PRR36: variants seen among roughly 807,000 people sequenced by gnomAD.
PRR36 encodes proline-rich protein 36.
Under a neutral mutation model 58.6 loss-of-function variants are expected in PRR36, and 30 were observed. The observed-to-expected ratio is 0.51, with a 90% CI of 0.38 to 0.69. PRR36 has a LOEUF of 0.69. Among genes scored for constraint, PRR36 ranks in the 30% least tolerant of loss-of-function variants. PRR36 has a pLI of 0.00. For missense variants in PRR36, 1,692 were observed against 1,805.6 expected (o/e 0.94, Z 1.14); for synonymous variants, 771 against 829.3 (o/e 0.93, Z 1.21).
At position 7,869,429 on chromosome 19, in the gene PRR36, C is replaced by T. The variant is rs1038079315; in HGVS notation, c.3645G>A (p.Pro1215=). The T allele has an allele frequency of 6.0e-6, 9 of 1,500,808 alleles. No individual in the cohort carries two copies. Among genetic ancestry groups the T allele is most frequent in the Non-Finnish European group, 7.9e-6 (9 of 1,132,428 alleles). The allele number at this position is 1,500,808 out of a possible 1,614,324, so 93.0% of individuals were successfully genotyped here. A position where few individuals can be genotyped will look rare whatever the true frequency, so the allele number is the denominator to read the frequency against. The change falls in exon 6 of 6, where the codon CCG becomes CCA. Residue 1215 remains proline, a synonymous_variant. Transcript: ENST00000618550. The part of the protein sequence containing the change: ...SATPAPGALD[P]GPSPGTSGGK... ...CACCGCTCGTGCCGGGACTGGGCCC[C>T]GGATCCAGTGCGCCAGGGGCGGGGG...
At position 7,873,075 on chromosome 19, in the gene PRR36, C is replaced by T; in HGVS notation, c.375-114G>A. 7.6e-7 allele frequency: 1 copy of T among 1,317,524 alleles called. No individual in the cohort carries two copies. Among genetic ancestry groups the T allele is most frequent in the Non-Finnish European group, 1.0e-6 (1 of 954,152 alleles). 81.6% of individuals were successfully genotyped at this position (1,317,524 alleles called of 1,614,324 possible). A position where few individuals can be genotyped will look rare whatever the true frequency, so the allele number is the denominator to read the frequency against. The stretch of plus-strand genomic sequence containing the variant: ...CTCTCTGAGGACCAATAATGGCTTT[C>T]ACCCAATTTGTGCCCAGTGACCTGC... On this transcript the variant is annotated intron_variant, in intron 3 of 5. Transcript: ENST00000618550. This position sits in a 1 kb window ranked among gnomAD's most constrained non-coding sequence, Gnocchi z 5.0.
At position 7,872,663 on chromosome 19, in the gene PRR36, G is replaced by A; in HGVS notation, c.581C>T (p.Pro194Leu). 6.8e-7 allele frequency: 1 copy of A among 1,464,356 alleles called. No individual in the cohort carries two copies. Among genetic ancestry groups the A allele is most frequent in the Non-Finnish European group, 9.0e-7 (1 of 1,112,824 alleles). The allele number at this position is 1,464,356 out of a possible 1,614,324, so 90.7% of individuals were successfully genotyped here. The change falls in exon 5 of 6, where the codon CCG becomes CTG. Residue 194 changes from proline to leucine, a missense_variant. This residue lies in a region of PRR36 where 975 missense variants were observed against 955.2 expected (regional missense o/e 1.02). Transcript: ENST00000618550. This position sits in a 1 kb window ranked among gnomAD's most constrained non-coding sequence, Gnocchi z 6.1. Reference sequence around the variant, plus strand: ...TGTCGGGGGCCGTGGCCGGGCACTCGGAGCTGGCCGGGGGAGCCCCACCTC... The same window carrying A: ...TGTCGGGGGCCGTGGCCGGGCACTCAGAGCTGGCCGGGGGAGCCCCACCTC... The part of the protein sequence containing the change: ...GTEVGLPRPA[P>L]SARPRPPTEG...
At position 7,869,367 on chromosome 19, in the gene PRR36, G is replaced by A; in HGVS notation, c.3707C>T (p.Ser1236Leu). ...AAAGAGAGAS[S>L]RSPKQARLGE... Reference sequence around the variant, plus strand: ...CAGGCGCGCCTGCTTCGGGCTCCGCGAGGACGCCCCGGCCCCGGCCCCAGC... The same window carrying A: ...CAGGCGCGCCTGCTTCGGGCTCCGCAAGGACGCCCCGGCCCCGGCCCCAGC... The change falls in exon 6 of 6, where the codon TCG (serine) becomes TTG (leucine). Residue 1236 changes from serine (S) to leucine (L), a missense_variant. Physicochemically the swap from Ser to Leu is moderately radical, Grantham distance 145. Transcript: ENST00000618550. 3.5e-6 allele frequency: 5 copies of A among 1,437,454 alleles called. No homozygotes were observed. The highest frequency in any genetic ancestry group is 5.9e-5 in the Admixed American group (2 of 33,796). The allele number at this position is 1,437,454 out of a possible 1,614,324, so 89.0% of individuals were successfully genotyped here. A position where few individuals can be genotyped will look rare whatever the true frequency, so the allele number is the denominator to read the frequency against.
At position 7,870,681 on chromosome 19, in the gene PRR36, GGGCCTGCAGAGGAGGCAA is replaced by G. The variant is rs1256146609; in HGVS notation, c.2545_2562del (p.Leu849_Ala854del). On this transcript the variant is annotated inframe_deletion, in exon 5 of 6. Transcript: ENST00000618550. ...GGGGGTGAGGCAGGGGGAGAGGGAG[GGGCCTGCAGAGGAGGCAA>G]GGCCAGGGCAGGTGGGGCCTGTGGA... The G allele has an allele frequency of 7.3e-7, 1 of 1,378,654 alleles. No individual in the cohort carries two copies. Among genetic ancestry groups the G allele is most frequent in the South Asian group, 1.7e-5 (1 of 60,024 alleles). 85.4% of individuals were successfully genotyped at this position (1,378,654 alleles called of 1,614,324 possible).
chr19:7,871,294 G>A lies in PRR36; in HGVS notation c.1950C>T (p.Pro650=), dbSNP rs1395176567. The A allele has an allele frequency of 1.3e-6, 2 of 1,525,890 alleles. No individual in the cohort carries two copies. Among genetic ancestry groups the A allele is most frequent in the Non-Finnish European group, 1.8e-6 (2 of 1,141,558 alleles). 94.5% of individuals were successfully genotyped at this position (1,525,890 alleles called of 1,614,324 possible). A position where few individuals can be genotyped will look rare whatever the true frequency, so the allele number is the denominator to read the frequency against. ...LISPSRPAST[P]PDSPPLQAPL... is the part of the protein sequence containing the mutation. ...GGGCCTGCAGAGGGGGTGAATCAGGGGGAGTAGAGGCCGGCCGAGAAGGTG... is the reference window on the plus strand; with the variant it reads ...GGGCCTGCAGAGGGGGTGAATCAGGAGGAGTAGAGGCCGGCCGAGAAGGTG... The change falls in exon 5 of 6, where the codon CCC becomes CCT. Residue 650 remains proline (P), a synonymous_variant. Coordinates refer to ENST00000618550, the MANE Select transcript of PRR36 (RefSeq NM_001190467.2).
At chr19:7,869,607 C>T in intron 5 of PRR36, 63 bp from the exon 6 acceptor site, 1 of 1,484,802 alleles carries the variant, frequency 6.7e-7, no homozygotes. Context: ...CTCAAGGTCC[C>T]GCCTCCTTGT....
chr19:7,872,416 T>A lies in PRR36; in HGVS notation c.828A>T (p.Gly276=). 1 of 1,450,832 alleles carries A rather than the reference T, an allele frequency of 6.9e-7. No individual in the cohort carries two copies. Among genetic ancestry groups the A allele is most frequent in the Non-Finnish European group, 9.0e-7 (1 of 1,107,854 alleles). 89.9% of individuals were successfully genotyped at this position (1,450,832 alleles called of 1,614,324 possible). The change falls in exon 5 of 6, where the codon GGA becomes GGT. Residue 276 remains glycine (G), a synonymous_variant. Transcript: ENST00000618550. The surrounding 1 kb of genome is among the most constrained non-coding windows in gnomAD (Gnocchi z 6.1). ...CCTGAGGGGGTCGCAGAGCCTGCAG[T>A]CCTTTCGGCTTGGGCTGCGAGGGAT... ...PAHPSQPKPK[G]LQALRPPQVT... is the part of the protein sequence containing the mutation.
In PRR36 at chr19:7,871,936, G is replaced by C. The variant is rs955706882; in HGVS notation, c.1308C>G (p.Pro436=). Residue 436 remains proline (P), a synonymous_variant, in exon 5 of 6, where the codon CCC becomes CCG. Coordinates refer to ENST00000618550, the MANE Select transcript of PRR36 (RefSeq NM_001190467.2). ...SVSSPLQSMP[P]TQANPALPSL... is the part of the protein sequence containing the mutation. ...AGGGCAACGCTGGATTAGCTTGGGT[G>C]GGGGGCATACTCTGCAGAGGGGATG... The C allele has an allele frequency of 2.6e-6, 4 of 1,535,882 alleles. No homozygotes were observed. The highest frequency in any genetic ancestry group is 3.5e-6 in the Non-Finnish European group (4 of 1,146,832).
Position 7,869,541 on chromosome 19 carries a change from G to T in PRR36, c.3533C>A (p.Ala1178Glu). ...PPLAFRGAPG[A>E]PLPWPPATGP... ...GGTAGCGGGAGGCCACGGCAGGGGC[G>T]CACCTGCGGGGAGAGACGCCAGGTG... The change falls in exon 6 of 6, where the codon GCG becomes GAG. Residue 1178 changes from alanine (A) to glutamate (E), a missense_variant. This residue lies in a region of PRR36 where 485 missense variants were observed against 549.2 expected (regional missense o/e 0.88). Coordinates refer to ENST00000618550, the MANE Select transcript of PRR36 (RefSeq NM_001190467.2). 3 of 1,517,132 alleles carry T rather than the reference G, an allele frequency of 2.0e-6. No homozygotes were observed. Among genetic ancestry groups the T allele is most frequent in the Non-Finnish European group, 2.6e-6 (3 of 1,138,688 alleles). The allele number at this position is 1,517,132 out of a possible 1,614,324, so 94.0% of individuals were successfully genotyped here.
Position 7,871,315 on chromosome 19 carries a change from A to C in PRR36, c.1929T>G (p.Pro643=). ...CAGGGGGAGTAGAGGCCGGCCGAGAAGGTGAGATCAAAGAAGCTTGGGTTT... is the reference window on the plus strand; with the variant it reads ...CAGGGGGAGTAGAGGCCGGCCGAGACGGTGAGATCAAAGAAGCTTGGGTTT... ...PRQTQASLIS[P]SRPASTPPDS... is the part of the protein sequence containing the mutation. The change falls in exon 5 of 6, where the codon CCT becomes CCG. Residue 643 remains proline, a synonymous_variant. Coordinates refer to ENST00000618550, the MANE Select transcript of PRR36 (RefSeq NM_001190467.2). 6.5e-7 allele frequency: 1 copy of C among 1,528,534 alleles called. No individual in the cohort carries two copies. Among genetic ancestry groups the C allele is most frequent in the Non-Finnish European group, 8.8e-7 (1 of 1,142,582 alleles). The allele number at this position is 1,528,534 out of a possible 1,614,324, so 94.7% of individuals were successfully genotyped here. A position where few individuals can be genotyped will look rare whatever the true frequency, so the allele number is the denominator to read the frequency against.
At position 7,871,117 on chromosome 19, in the gene PRR36, G is replaced by A. The variant is rs549764396; in HGVS notation, c.2127C>T (p.Pro709=). The A allele has an allele frequency of 2.0e-6, 3 of 1,535,042 alleles. No homozygotes were observed. Among genetic ancestry groups the A allele is most frequent in the South Asian group, 1.2e-5 (1 of 83,984 alleles). Residue 709 remains proline (P), a synonymous_variant, in exon 5 of 6, where the codon CCC becomes CCT. Coordinates refer to ENST00000618550, the MANE Select transcript of PRR36 (RefSeq NM_001190467.2). ...CTAGGGAAGATTGGGTCTCCAGAGG[G>A]GGCATGATCAGGGAAGAGAGAGGTG... ...PQAPLSSLIM[P]PLETQSSLAP...
At position 7,869,804 on chromosome 19, in the gene PRR36, G is replaced by A; in HGVS notation, c.3440C>T (p.Ser1147Phe). 7.4e-7 allele frequency: 1 copy of A among 1,356,142 alleles called. No individual in the cohort carries two copies. The highest frequency in any genetic ancestry group is 1.8e-5 in the South Asian group (1 of 56,026). 84.0% of individuals were successfully genotyped at this position (1,356,142 alleles called of 1,614,324 possible). ...DSGPEGGAAA[S>F]PPPDAELAAC... The stretch of plus-strand genomic sequence containing the variant: ...GGCGAGCTCTGCGTCGGGGGGCGGG[G>A]AGGCTGCGGCACCGCCCTCGGGCCC... Residue 1147 changes from serine to phenylalanine, a missense_variant, in exon 5 of 6, where the codon TCC becomes TTC. Physicochemically the swap from Ser to Phe is radical, Grantham distance 155 (BLOSUM62 -2). This residue lies in a region of PRR36 where 485 missense variants were observed against 549.2 expected (regional missense o/e 0.88). Coordinates refer to ENST00000618550, the MANE Select transcript of PRR36 (RefSeq NM_001190467.2).
rs1047686860 is a variant in PRR36, at chr19:7,871,823, A to G, written c.1421T>C (p.Leu474Pro). 29 of 1,535,730 alleles carry G rather than the reference A, an allele frequency of 1.9e-5. No individual in the cohort carries two copies. In the African/African-American group the frequency reaches 3.6e-4, roughly 19 times the overall value. ...GGCCAGGGGAAAAGCCGAATTCCCC[A>G]GAGATGTTGCCGGAGAAACAGGGCC... ...LQGPVSPATS[L>P]GNSAFPLAAL... The change falls in exon 5 of 6, where the codon CTG (leucine) becomes CCG (proline). Residue 474 changes from leucine to proline, a missense_variant. Leu to Pro is a moderately conservative substitution (Grantham distance 98, BLOSUM62 -3). This residue lies in a region of PRR36 where 975 missense variants were observed against 955.2 expected (regional missense o/e 1.02). Coordinates refer to ENST00000618550, the MANE Select transcript of PRR36 (RefSeq NM_001190467.2).
Position 7,873,393 on chromosome 19 carries a change from GGA to G in PRR36, c.271+24_271+25del, listed in dbSNP as rs1163677470. ...TGGAAGGGGGAGGGAAGATGGGGGCGGAGCTGAGGAAGGAGGCTGGGGTACCA... is the reference window on the plus strand; with the variant it reads ...TGGAAGGGGGAGGGAAGATGGGGGCGGCTGAGGAAGGAGGCTGGGGTACCA... On this transcript the variant is annotated intron_variant, in intron 2 of 5. Transcript: ENST00000618550. This position sits in a 1 kb window ranked among gnomAD's most constrained non-coding sequence, Gnocchi z 5.0. The G allele has an allele frequency of 2.0e-6, 3 of 1,519,836 alleles. No individual in the cohort carries two copies. The African/African-American group carries it at 4.1e-5, about 21-fold the overall frequency. The allele number at this position is 1,519,836 out of a possible 1,614,324, so 94.1% of individuals were successfully genotyped here. A position where few individuals can be genotyped will look rare whatever the true frequency, so the allele number is the denominator to read the frequency against.
In PRR36 at chr19:7,870,565, G is replaced by A; in HGVS notation, c.2679C>T (p.Pro893=). Residue 893 remains proline (P), a synonymous_variant, in exon 5 of 6, where the codon CCC becomes CCT. Coordinates refer to ENST00000618550, the MANE Select transcript of PRR36 (RefSeq NM_001190467.2). ...LQAPFSPPPS[P]PVQAPFSPPA... ...GGGGAGAGAAAGGGGCCTGCACTGGGGGTGAGGGAGGGGGAGAGAAAGGGG... is the reference window on the plus strand; with the variant it reads ...GGGGAGAGAAAGGGGCCTGCACTGGAGGTGAGGGAGGGGGAGAGAAAGGGG... 1 of 973,006 alleles carries A rather than the reference G, an allele frequency of 1.0e-6. No individual in the cohort carries two copies. The highest frequency in any genetic ancestry group is 1.3e-6 in the Non-Finnish European group (1 of 780,206). The allele number at this position is 973,006 out of a possible 1,614,324, so 60.3% of individuals were successfully genotyped here.
At position 7,872,981 on chromosome 19, in the gene PRR36, C is replaced by T. The variant is rs1196060359; in HGVS notation, c.375-20G>A. On this transcript the variant is annotated intron_variant, in intron 3 of 5. Transcript: ENST00000618550. This position sits in a 1 kb window ranked among gnomAD's most constrained non-coding sequence, Gnocchi z 6.1. ...CCTGGCCTGGAGACAGAAGGGGCCACGCTCAGGCCTAGGTCTTTGTTTGGC... is the reference window on the plus strand; with the variant it reads ...CCTGGCCTGGAGACAGAAGGGGCCATGCTCAGGCCTAGGTCTTTGTTTGGC... 8.6e-6 allele frequency: 13 copies of T among 1,520,326 alleles called. No homozygotes were observed. Among genetic ancestry groups the T allele is most frequent in the South Asian group, 2.4e-5 (2 of 83,646 alleles). 94.2% of individuals were successfully genotyped at this position (1,520,326 alleles called of 1,614,324 possible).
At position 7,871,488 on chromosome 19, in the gene PRR36, G is replaced by T. The variant is rs1169237811; in HGVS notation, c.1756C>A (p.Pro586Thr). 3.9e-6 allele frequency: 6 copies of T among 1,535,466 alleles called. No homozygotes were observed. The highest frequency in any genetic ancestry group is 3.9e-5 in the Admixed American group (2 of 50,936). Residue 586 changes from proline (P) to threonine (T), a missense_variant, in exon 5 of 6, where the codon CCC becomes ACC. Coordinates refer to ENST00000618550, the MANE Select transcript of PRR36 (RefSeq NM_001190467.2). ...AGAGAATGTGGGACCTGTATTGGGG[G>T]AATGGTCTGGAGAGAGGGCGGGGCC... ...MQAPPSLQTIPPIQVPHSLTS... is the reference protein window; with the variant it reads ...MQAPPSLQTITPIQVPHSLTS...
rs867419191 is a variant in PRR36, at chr19:7,872,594, G to A, written c.650C>T (p.Thr217Ile). ...CCTGGCAGCCGGGCTTGGCTCGGTG[G>A]TACTGTGCTCCGAGGCGCTGCTCAC... The part of the protein sequence containing the change: ...KSVSSASEHS[T>I]TEPSPAARRR... The change falls in exon 5 of 6, where the codon ACC becomes ATC. Residue 217 changes from threonine (T) to isoleucine (I), a missense_variant. This residue lies in a region of PRR36 where 975 missense variants were observed against 955.2 expected (regional missense o/e 1.02). Coordinates refer to ENST00000618550, the MANE Select transcript of PRR36 (RefSeq NM_001190467.2). This position sits in a 1 kb window ranked among gnomAD's most constrained non-coding sequence, Gnocchi z 6.1. 6 of 1,521,382 alleles carry A rather than the reference G, an allele frequency of 3.9e-6. No individual in the cohort carries two copies. In the South Asian group the frequency reaches 6.1e-5, roughly 15 times the overall value. The allele number at this position is 1,521,382 out of a possible 1,614,324, so 94.2% of individuals were successfully genotyped here.
chr19:7,869,838 A>T lies in PRR36; in HGVS notation c.3406T>A (p.Tyr1136Asn), dbSNP rs1980294651. The change falls in exon 5 of 6, where the codon TAC (tyrosine) becomes AAC (asparagine). Residue 1136 changes from tyrosine (Y) to asparagine (N), a missense_variant. Coordinates refer to ENST00000618550, the MANE Select transcript of PRR36 (RefSeq NM_001190467.2). Reference protein sequence around the residue: ...ATSTPEELRGYDSGPEGGAAA... With the variant: ...ATSTPEELRGNDSGPEGGAAA... Reference sequence around the variant, plus strand: ...GCACCGCCCTCGGGCCCGCTGTCGTAGCCACGCAGCTCCTCTGGCGTGCTC... The same window carrying T: ...GCACCGCCCTCGGGCCCGCTGTCGTTGCCACGCAGCTCCTCTGGCGTGCTC... The T allele has an allele frequency of 7.4e-7, 1 of 1,349,720 alleles. No individual in the cohort carries two copies. The highest frequency in any genetic ancestry group is 9.5e-7 in the Non-Finnish European group (1 of 1,057,720). The allele number at this position is 1,349,720 out of a possible 1,614,324, so 83.6% of individuals were successfully genotyped here.
Sources: allele counts gnomAD v4.1 joint callset, GRCh38; gene constraint gnomAD v4.1.1; regional missense constraint gnomAD v4.1.1; non-coding constraint Gnocchi (gnomAD v3.1); transcripts MANE v1.5; gene names NCBI Gene and HGNC (gene_info 2026-07-23, HGNC 2026-07-21).